The following TBC1D9 variants were observed in gnomAD, a reference collection of about 807,000 sequenced individuals.
TBC1D9 encodes the protein TBC1 domain family member 9, also known as TBC1 domain family member 9A.
TBC1D9 carries 63 observed loss-of-function variants against 132.0 expected under a neutral mutation model. The observed-to-expected ratio is 0.48, with a 90% CI of 0.39 to 0.59. The LOEUF is 0.59. TBC1D9 is among the 20% of genes least tolerant of loss of function. The pLI, the probability that TBC1D9 is intolerant of heterozygous loss-of-function variation, is 0.00. For missense variants in TBC1D9, 1,261 were observed against 1,592.7 expected (o/e 0.79, Z 3.54); for synonymous variants, 610 against 609.9 (o/e 1.00, Z 0.00).
intron 9 of TBC1D9, among the ~76,000 whole-genome samples, chr4:140,663,954 T>C (rs1347055764): frequency 6.6e-6 from 1 of 150,962 alleles, no homozygotes; most frequent in Non-Finnish European, 1.5e-5. Flanking sequence ...GAAAATGTTC[T>C]GAAGATCTAA....
chr4:140,726,182 G>C (rs992185366), intron 1 of TBC1D9, among the ~76,000 whole-genome samples: 1 of 152,026 alleles, frequency 6.6e-6, no homozygotes, highest in Non-Finnish European at 1.5e-5. Flanking sequence ...CCAGCTACTT[G>C]GGAAGCTGAG....
chr4:140,748,667 AT>A (rs1738874738), intron 1 of TBC1D9, among the ~76,000 whole-genome samples: 1 of 152,248 alleles, frequency 6.6e-6, no homozygotes, highest in South Asian at 2.1e-4. Context: ...TGTCTCAACC[AT>A]GCTTAAAACA....
intron 1 of TBC1D9, among the ~76,000 whole-genome samples, chr4:140,735,355 C>A (rs1479106468): frequency 6.6e-6 from 1 of 152,134 alleles, no homozygotes; most frequent in Non-Finnish European, 1.5e-5. Flanking sequence ...CTGTGTTCAT[C>A]TAAACTTTAA....
At chr4:140,645,011 C>A in intron 13 of TBC1D9, 1 of 469,798 alleles carries the variant, frequency 2.1e-6, no homozygotes, top group South Asian at 1.6e-5. Flanking sequence ...AGCGGGACAA[C>A]CAGGGGTGCG....
At chr4:140,714,574 C>G (rs1033073072) in intron 1 of TBC1D9, among the ~76,000 whole-genome samples, 5 of 152,170 alleles carry the variant, frequency 3.3e-5, no homozygotes, top group Non-Finnish European at 5.9e-5. Context: ...TGAGAGGCAA[C>G]AGACAGCAAA....
At chr4:140,718,153 G>C (rs771311010) in intron 1 of TBC1D9, among the ~76,000 whole-genome samples, 4 of 148,184 alleles carry the variant, frequency 2.7e-5, no homozygotes, top group Non-Finnish European at 5.9e-5. Context: ...ATAGTATATA[G>C]TTTCCCCATA....
intron 1 of TBC1D9, among the ~76,000 whole-genome samples, chr4:140,750,909 T>G (rs1016515505): frequency 1.3e-5 from 2 of 152,104 alleles, no homozygotes; most frequent in Non-Finnish European, 2.9e-5. Context: ...CAAATTCGGT[T>G]TGCTCCTTGA....
At chr4:140,678,911 G>T (rs779356684) in intron 5 of TBC1D9, 31 bp downstream of exon 5, 11 of 1,605,276 alleles carry the variant, frequency 6.9e-6, no homozygotes, top group African/African-American at 1.3e-5. Flanking sequence ...CATTTCTAAA[G>T]TCTGGAAGAT....
At chr4:140,701,311 C>G (rs1738065341) in intron 2 of TBC1D9, among the ~76,000 whole-genome samples, 193 bp downstream of exon 2, 1 of 152,204 alleles carries the variant, frequency 6.6e-6, no homozygotes, top group Admixed American at 6.5e-5. Context: ...ACGACTCTAT[C>G]AGAGTGAGAA....
At chr4:140,751,382 A>G (rs1342953332) in intron 1 of TBC1D9, among the ~76,000 whole-genome samples, 2 of 152,206 alleles carry the variant, frequency 1.3e-5, no homozygotes, top group Admixed American at 1.3e-4. Context: ...ATGTCCACAA[A>G]AAGTTTAAAA....
At chr4:140,700,171 C>A (rs894986421) in intron 2 of TBC1D9, among the ~76,000 whole-genome samples, 1 of 151,856 alleles carries the variant, frequency 6.6e-6, no homozygotes, top group African/African-American at 2.4e-5. Flanking sequence ...AATAAAAGTC[C>A]AGGCGCAGTG....
chr4:140,673,905 G>C (rs910260869), intron 6 of TBC1D9, among the ~76,000 whole-genome samples: 1 of 152,186 alleles, frequency 6.6e-6, no homozygotes, highest in Non-Finnish European at 1.5e-5. Context: ...CTAACACCCG[G>C]GAGGGGGAAG....
chr4:140,668,767 T>G, intron 9 of TBC1D9, 150 bp downstream of exon 9: 1 of 821,898 alleles, frequency 1.2e-6, no homozygotes, highest in Non-Finnish European at 1.8e-6. Flanking sequence ...ATTGAGGAAC[T>G]TCAATACTCT....
chr4:140,634,803 T>C (rs1246411121), intron 15 of TBC1D9, among the ~76,000 whole-genome samples: 2 of 152,164 alleles, frequency 1.3e-5, no homozygotes, highest in Non-Finnish European at 2.9e-5. Context: ...TACAAGTGTG[T>C]GGTCATCCAA....
At chr4:140,692,054 A>T (rs1737885954) in intron 2 of TBC1D9, among the ~76,000 whole-genome samples, 1 of 152,254 alleles carries the variant, frequency 6.6e-6, no homozygotes, top group Non-Finnish European at 1.5e-5. Context: ...TCCTAGGAAT[A>T]ATACATTTTG....
intron 1 of TBC1D9, among the ~76,000 whole-genome samples, chr4:140,714,583 A>G (rs1738301616): frequency 6.6e-6 from 1 of 152,180 alleles, no homozygotes; most frequent in Admixed American, 6.5e-5. Flanking sequence ...ACAGACAGCA[A>G]ATGTTTTCTC....
chr4:140,688,115 T>C lies in TBC1D9; in HGVS notation c.242-1653A>G, dbSNP rs553583283. 6.4e-4 allele frequency among the ~76,000 whole-genome samples: 97 copies of C among 151,406 alleles called. 1 individual carries two copies. Among genetic ancestry groups the C allele is most frequent in the African/African-American group, 2.1e-3 (87 of 41,250 alleles). On this transcript the variant is annotated intron_variant, in intron 2 of 20. Transcript: ENST00000442267. ...TAAAAGAAAGAAAAAAAAAAGCAGG[T>C]ATCTTAGTGGAGAAGAGTCCAGTGA...
At chr4:140,663,148 A>G (rs1449493459) in intron 9 of TBC1D9, among the ~76,000 whole-genome samples, 3 of 152,248 alleles carry the variant, frequency 2.0e-5, no homozygotes, top group African/African-American at 7.2e-5. Flanking sequence ...CATATGTCTG[A>G]TAAGGGGTCA....
intron 16 of TBC1D9, among the ~76,000 whole-genome samples, chr4:140,628,718 C>T (rs1174509745): frequency 6.6e-6 from 1 of 152,182 alleles, no homozygotes; most frequent in Non-Finnish European, 1.5e-5. Flanking sequence ...GTGCCTGGCA[C>T]CTAATAAAAT....
Sources: gnomAD v4.1 joint callset for allele counts (sites outside exome capture counted in the v4.1 genomes callset) on GRCh38, gnomAD v4.1.1 for gene constraint, MANE v1.5 for transcripts, NCBI Gene and HGNC (gene_info 2026-07-23, HGNC 2026-07-21) for gene names.